The following GCLC variants were observed in gnomAD, a reference collection of about 807,000 sequenced individuals.
The protein encoded by GCLC is glutamate-cysteine ligase catalytic subunit.
GCLC carries 30 observed loss-of-function variants against 81.5 expected under a neutral mutation model. The ratio of observed to expected loss-of-function variants is 0.37; its 90% CI spans 0.28 to 0.50. The LOEUF (loss-of-function observed/expected upper bound fraction) is 0.50, where lower values mean the gene tolerates loss of function less well. GCLC is among the 20% of genes least tolerant of loss of function. The pLI is 0.96. For missense variants in GCLC, 556 were observed against 777.4 expected, an observed-to-expected ratio of 0.72 and a Z score of 3.39; for synonymous variants, 262 against 273.3, an observed-to-expected ratio of 0.96 and a Z score of 0.41.
chr6:53,502,978 G>A (rs1233079687), intron 12 of GCLC, among the ~76,000 whole-genome samples: 4 of 152,146 alleles, frequency 2.6e-5, no homozygotes, highest in Non-Finnish European at 5.9e-5. Context: ...CTCTCTAAGT[G>A]TCAAGCACTA....
chr6:53,526,573 C>T (rs753131816), intron 1 of GCLC, among the ~76,000 whole-genome samples: 7 of 151,992 alleles, frequency 4.6e-5, no homozygotes, highest in East Asian at 1.9e-4. Context: ...CCGAGGCGGG[C>T]GGATCACAAG....
chr6:53,508,030 G>C (rs972788220), intron 8 of GCLC, among the ~76,000 whole-genome samples: 3 of 152,112 alleles, frequency 2.0e-5, no homozygotes, highest in Non-Finnish European at 4.4e-5. Flanking sequence ...GTATAGCCCT[G>C]GTTGAGAATA....
intron 11 of GCLC, 145 bp downstream of exon 11, chr6:53,505,658 C>T (rs1561939167): frequency 2.7e-6 from 2 of 747,092 alleles, no homozygotes; most frequent in East Asian, 2.7e-5. Flanking sequence ...AATCAACCCT[C>T]CTTAACTTGG....
chr6:53,515,370 T>C (rs762516897), intron 4 of GCLC, among the ~76,000 whole-genome samples: 17 of 152,236 alleles, frequency 1.1e-4, no homozygotes, highest in Admixed American at 2.6e-4. Flanking sequence ...CTATCTCTTC[T>C]TGAGCAGCTG....
intron 15 of GCLC, among the ~76,000 whole-genome samples, chr6:53,499,462 C>T (rs192701255): frequency 2.2e-4 from 34 of 152,260 alleles, no homozygotes; most frequent in Non-Finnish European, 4.1e-4. Flanking sequence ...TAGGGTTCTA[C>T]GGCTATCCTT....
intron 3 of GCLC, among the ~76,000 whole-genome samples, chr6:53,517,249 G>GTTTTTTT (rs201960255): frequency 1.4e-5 from 1 of 73,114 alleles, no homozygotes; most frequent in Non-Finnish European, 2.5e-5. Context: ...ACTGTACCAA[G>GTTTTTTT]TTTTTTTTTT....
Position 53,544,867 on chromosome 6 carries a change from A to T in GCLC, c.-222T>A. On this transcript the variant is annotated 5_prime_UTR_variant, in exon 1 of 16. Transcript: ENST00000650454. ...ACCCTGGGTCCGACGCACCGCGCGGAGGCGAAGGCAGAAGACCGAGAGCAG... is the reference window on the plus strand; with the variant it reads ...ACCCTGGGTCCGACGCACCGCGCGGTGGCGAAGGCAGAAGACCGAGAGCAG... 1 of 397,276 alleles carries T rather than the reference A, an allele frequency of 2.5e-6. No individual in the cohort carries two copies. Among genetic ancestry groups the T allele is most frequent in the Non-Finnish European group, 4.4e-6 (1 of 225,308 alleles). The allele number at this position is 397,276 out of a possible 1,614,324, so 24.6% of individuals were successfully genotyped here.
At position 53,508,713 on chromosome 6, in the gene GCLC, T is replaced by C. The variant is rs1482172946; in HGVS notation, c.829-2A>G. On this transcript the variant is annotated splice_acceptor_variant, in intron 7 of 15. Transcript: ENST00000650454. LOFTEE classifies it high-confidence loss of function. Reference sequence around the variant, plus strand: ...GGGAGATGCAGCACTCAAAGCCATCTAAAAACAAACAAAAGTCAGCTCCTG... The same window carrying C: ...GGGAGATGCAGCACTCAAAGCCATCCAAAAACAAACAAAAGTCAGCTCCTG... The C allele has an allele frequency of 1.9e-6, 3 of 1,603,060 alleles. No homozygotes were observed. The highest frequency in any genetic ancestry group is 1.3e-5 in the African/African-American group (1 of 74,698).
chr6:53,518,470 C>T (rs17879172), intron 3 of GCLC, among the ~76,000 whole-genome samples: 1,918 of 152,188 alleles, frequency 0.013, 40 homozygotes, highest in African/African-American at 0.044. Flanking sequence ...AGGCTGGTCT[C>T]GAACTCCTGA....
rs751863454 is a variant in GCLC at position 53,500,519 on chromosome 6, G to T, written c.1396-6C>A. The T allele has an allele frequency of 6.3e-7, 1 of 1,596,000 alleles. No homozygotes were observed. Among genetic ancestry groups the T allele is most frequent in the Non-Finnish European group, 8.6e-7 (1 of 1,164,650 alleles). ...ACCTTCATGTTCTCATCAACCTAAG[G>T]GAAAAAAAGAATCACGACTAAGTCA... On this transcript the variant is annotated splice_polypyrimidine_tract_variant and splice_region_variant and intron_variant, in intron 12 of 15. Coordinates refer to ENST00000650454, the MANE Select transcript of GCLC (RefSeq NM_001498.4).
Position 53,515,143 on chromosome 6 carries a change from G to A in GCLC, c.561-646C>T, listed in dbSNP as rs149508196. On this transcript the variant is annotated intron_variant, in intron 4 of 15. Transcript: ENST00000650454. ...GGATCAAATGATAACATTTTTGGAC[G>A]TTTTGGGTTAAACAAAATATAAAAT... Among the ~76,000 whole-genome samples the A allele has an allele frequency of 1.4e-4, 22 of 152,296 alleles. No individual in the cohort carries two copies. The East Asian group carries it at 4.2e-3, about 29-fold the overall frequency.
intron 1 of GCLC, among the ~76,000 whole-genome samples, chr6:53,539,548 C>T (rs1436076610): frequency 2.0e-5 from 3 of 152,178 alleles, no homozygotes; most frequent in Non-Finnish European, 4.4e-5. Flanking sequence ...TAGAGCTGAG[C>T]ATTTCTAAAG....
intron 4 of GCLC, among the ~76,000 whole-genome samples, chr6:53,515,505 G>A (rs994261042): frequency 6.6e-6 from 1 of 152,240 alleles, no homozygotes; most frequent in African/African-American, 2.4e-5. Context: ...AGGAATGAAC[G>A]CTGAGAAGTC....
chr6:53,529,086 A>T (rs1388359968), intron 1 of GCLC, among the ~76,000 whole-genome samples: 5 of 152,234 alleles, frequency 3.3e-5, no homozygotes, highest in Non-Finnish European at 7.3e-5. Flanking sequence ...ATAAAATAAA[A>T]AAATCAGTTT....
intron 1 of GCLC, among the ~76,000 whole-genome samples, chr6:53,541,990 C>G (rs1226328712): frequency 1.3e-5 from 2 of 152,120 alleles, no homozygotes; most frequent in East Asian, 1.9e-4. Flanking sequence ...ATCTCAGCCT[C>G]CCGAGTAGTT....
chr6:53,506,032 A>G lies in GCLC; in HGVS notation c.1198-137T>C, dbSNP rs1210547825. 1.4e-6 allele frequency: 1 copy of G among 696,694 alleles called. No individual in the cohort carries two copies. The highest frequency in any genetic ancestry group is 1.8e-5 in the African/African-American group (1 of 56,594). The allele number at this position is 696,694 out of a possible 1,614,324, so 43.2% of individuals were successfully genotyped here. A position where few individuals can be genotyped will look rare whatever the true frequency, so the allele number is the denominator to read the frequency against. The stretch of plus-strand genomic sequence containing the variant: ...CAATTGACAAAGACAAAAAGGTACA[A>G]TTGAAGATTTTCTTCGAGTGTGCTC... On this transcript the variant is annotated intron_variant, in intron 10 of 15. Coordinates refer to ENST00000650454, the MANE Select transcript of GCLC (RefSeq NM_001498.4). This position sits in a 1 kb window ranked among gnomAD's most constrained non-coding sequence, Gnocchi z 4.0.
rs1763418195 is a variant in GCLC, at chr6:53,544,663, C to CCTCCTT, written c.-19_-18insAAGGAG. 2 of 1,579,474 alleles carry CCTCCTT rather than the reference C, an allele frequency of 1.3e-6. No homozygotes were observed. Among genetic ancestry groups the CCTCCTT allele is most frequent in the Non-Finnish European group, 1.7e-6 (2 of 1,171,258 alleles). On this transcript the variant is annotated 5_prime_UTR_variant, in exon 1 of 16. Coordinates refer to ENST00000650454, the MANE Select transcript of GCLC (RefSeq NM_001498.4). ...AGCCCCATGGCCGCCCCCTCCTCCT[C>CCTCCTT]CTCCTCCTCCTCCGGGCTGACGGCG...
At position 53,522,510 on chromosome 6, in the gene GCLC, T is replaced by C. The variant is rs1159470824; in HGVS notation, c.168A>G (p.Val56=). The change falls in exon 2 of 16, where the codon GTA becomes GTG. Residue 56 remains valine, a synonymous_variant. Coordinates refer to ENST00000650454, the MANE Select transcript of GCLC (RefSeq NM_001498.4). ...CTTTTTTATTTTCATGATCAAAAGA[T>C]ACCAACATGTATTCCACCTATTGAA... ...KWGDEVEYML[V]SFDHENKKVR... The C allele has an allele frequency of 1.9e-6, 3 of 1,600,472 alleles. No homozygotes were observed. The highest frequency in any genetic ancestry group is 2.7e-5 in the African/African-American group (2 of 74,686).
intron 1 of GCLC, among the ~76,000 whole-genome samples, chr6:53,526,242 A>AGG (rs1763078771): frequency 6.6e-6 from 1 of 152,206 alleles, no homozygotes. Flanking sequence ...AACAAGGGTG[A>AGG]GGTACTTTTA....
Sources: gnomAD v4.1 joint callset for allele counts (sites outside exome capture counted in the v4.1 genomes callset) on GRCh38, gnomAD v4.1.1 for gene constraint, Gnocchi (gnomAD v3.1) non-coding constraint, MANE v1.5 for transcripts, NCBI Gene and HGNC (gene_info 2026-07-23, HGNC 2026-07-21) for gene names.